Variants in PNLIPRP3 observed in about 807,000 individuals in gnomAD.
The protein encoded by PNLIPRP3 is pancreatic lipase-related protein 3.
In PNLIPRP3, 58 loss-of-function variants were observed where a neutral mutation model predicts 52.8. That is an observed-to-expected ratio of 1.10 (90% confidence interval 0.89 to 1.37). The LOEUF is 1.37. PNLIPRP3 is among the 40% of genes most tolerant of loss of function. The pLI, the probability that PNLIPRP3 is intolerant of heterozygous loss-of-function variation, is 0.00. For missense variants in PNLIPRP3, 593 were observed against 561.6 expected (o/e 1.06, Z -0.57); for synonymous variants, 192 against 185.0 (o/e 1.04, Z -0.31).
chr10:116,432,690 T>C (rs80057036), intron 1 of PNLIPRP3, among the ~76,000 whole-genome samples: 11,577 of 152,246 alleles, frequency 0.076, 629 homozygotes, highest in East Asian at 0.17. Context: ...CATAAATTTA[T>C]GGTAAAAGAA....
intron 5 of PNLIPRP3, among the ~76,000 whole-genome samples, chr10:116,457,806 T>A (rs1846136804): frequency 6.6e-6 from 1 of 152,194 alleles, no homozygotes; most frequent in South Asian, 2.1e-4. Flanking sequence ...TTTTATTAAG[T>A]TTTTTCAAAA....
At chr10:116,434,070 T>C (rs1845745275) in intron 1 of PNLIPRP3, among the ~76,000 whole-genome samples, 1 of 152,198 alleles carries the variant, frequency 6.6e-6, no homozygotes, top group South Asian at 2.1e-4. Flanking sequence ...GTATGACACA[T>C]AAGGCTAAAT....
rs1358894457 is a variant in PNLIPRP3, at chr10:116,443,148, G to A, written c.298G>A (p.Gly100Ser). 1 of 1,610,578 alleles carries A rather than the reference G, an allele frequency of 6.2e-7. No individual in the cohort carries two copies. Among genetic ancestry groups the A allele is most frequent in the South Asian group, 1.1e-5 (1 of 90,544 alleles). ...CAACATAGCTGGATGGAAAACAGAT[G>A]GCAAATGGCAGAGAGACATGTGCAA... ...RINIAGWKTD[G>S]KWQRDMCNVL... Residue 100 changes from glycine to serine, a missense_variant, in exon 3 of 12, where the codon GGC becomes AGC. Gly to Ser is a moderately conservative substitution (Grantham distance 56). Transcript: ENST00000369230.
chr10:116,467,985 C>T (rs1007992977), intron 8 of PNLIPRP3, among the ~76,000 whole-genome samples: 3 of 151,552 alleles, frequency 2.0e-5, no homozygotes, highest in Non-Finnish European at 2.9e-5. Context: ...ATTAGCCGGG[C>T]GTGGTGGCGG....
At chr10:116,444,283 ACC>A in intron 3 of PNLIPRP3, 97 bp from the exon 4 acceptor site, 1 of 1,050,206 alleles carries the variant, frequency 9.5e-7, no homozygotes, top group Non-Finnish European at 1.3e-6. Flanking sequence ...AACCATATCA[ACC>A]TACTAGTATA....
At chr10:116,449,830 G>C (rs1277591108) in intron 4 of PNLIPRP3, among the ~76,000 whole-genome samples, 1 of 152,168 alleles carries the variant, frequency 6.6e-6, no homozygotes, top group Non-Finnish European at 1.5e-5. Flanking sequence ...CCTTCGCCAG[G>C]ATAGATCACA....
Position 116,427,975 on chromosome 10 carries a change from T to C in PNLIPRP3, c.-38T>C. The C allele has an allele frequency of 6.5e-7, 1 of 1,536,186 alleles. No homozygotes were observed. Among genetic ancestry groups the C allele is most frequent in the African/African-American group, 1.4e-5 (1 of 73,234 alleles). Reference sequence around the variant, plus strand: ...GAGGTGACTTTACAAGTAAAGATCTTCAAGAAGATTTTTATGTGATTTAAA... The same window carrying C: ...GAGGTGACTTTACAAGTAAAGATCTCCAAGAAGATTTTTATGTGATTTAAA... On this transcript the variant is annotated 5_prime_UTR_variant, in exon 1 of 12. Coordinates refer to ENST00000369230, the MANE Select transcript of PNLIPRP3 (RefSeq NM_001011709.3).
At chr10:116,445,558 T>TAAAAAAA (rs3032169) in intron 4 of PNLIPRP3, among the ~76,000 whole-genome samples, 1 of 148,846 alleles carries the variant, frequency 6.7e-6, no homozygotes, top group Non-Finnish European at 1.5e-5. Context: ...CTTCTCTTTA[T>TAAAAAAA]AAAAAAAAAA....
intron 4 of PNLIPRP3, among the ~76,000 whole-genome samples, chr10:116,450,235 G>A (rs528358815): frequency 3.3e-5 from 5 of 152,084 alleles, no homozygotes; most frequent in Non-Finnish European, 5.9e-5. Flanking sequence ...CTTTGAATGT[G>A]GCCCCACACA....
chr10:116,465,654 T>C (rs954056923), intron 7 of PNLIPRP3, among the ~76,000 whole-genome samples: 1 of 152,234 alleles, frequency 6.6e-6, no homozygotes, highest in South Asian at 2.1e-4. Flanking sequence ...TCAGGGACTT[T>C]ACCTGGAACT....
At chr10:116,445,391 C>G in intron 4 of PNLIPRP3, among the ~76,000 whole-genome samples, 1 of 152,106 alleles carries the variant, frequency 6.6e-6, no homozygotes, top group East Asian at 1.9e-4. Flanking sequence ...GAACATTGAC[C>G]ACTGTCAGTA....
chr10:116,468,948 C>T (rs756104907), intron 8 of PNLIPRP3, among the ~76,000 whole-genome samples: 3 of 152,106 alleles, frequency 2.0e-5, no homozygotes, highest in Non-Finnish European at 2.9e-5. Flanking sequence ...TTTCCTCTTC[C>T]GTGGATTGTC....
intron 1 of PNLIPRP3, among the ~76,000 whole-genome samples, chr10:116,432,811 T>C (rs993817166): frequency 6.6e-6 from 1 of 152,068 alleles, no homozygotes; most frequent in Non-Finnish European, 1.5e-5. Flanking sequence ...GAAAAGTGTG[T>C]AATTGTTAAT....
chr10:116,477,086 T>G lies in PNLIPRP3; in HGVS notation c.1341-4T>G, dbSNP rs1362703907. On this transcript the variant is annotated splice_polypyrimidine_tract_variant and splice_region_variant and intron_variant, in intron 11 of 11. Transcript: ENST00000369230. ...TCCTTTTTTTTTTCCTTAAAAACTT[T>G]CAGATCTACCTTCTGTAGCCAAGAC... The G allele has an allele frequency of 3.2e-6, 5 of 1,580,444 alleles. No homozygotes were observed. The African/African-American group carries it at 4.1e-5, about 13-fold the overall frequency.
rs1564692776 is a variant in PNLIPRP3, at chr10:116,436,856, T to C, written c.195T>C (p.Asn65=). 1.9e-6 allele frequency: 3 copies of C among 1,591,154 alleles called. No individual in the cohort carries two copies. Among genetic ancestry groups the C allele is most frequent in the Non-Finnish European group, 2.6e-6 (3 of 1,166,482 alleles). The part of the protein sequence containing the change: ...RFLLYTIHNP[N]AYQEISAVNS... ...TGCTCTACACTATACACAATCCCAA[T>C]GCCTATCAGGTAAGCTAACTTGCAG... The change falls in exon 2 of 12, where the codon AAT becomes AAC. Residue 65 remains asparagine, a synonymous_variant. Coordinates refer to ENST00000369230, the MANE Select transcript of PNLIPRP3 (RefSeq NM_001011709.3).
At chr10:116,439,417 C>G in intron 2 of PNLIPRP3, 2 of 584,684 alleles carry the variant, frequency 3.4e-6, no homozygotes, top group South Asian at 3.7e-5. Flanking sequence ...CAGAGCTCCC[C>G]TACTCTAAGT....
At chr10:116,445,427 T>C (rs538654190) in intron 4 of PNLIPRP3, among the ~76,000 whole-genome samples, 5 of 152,164 alleles carry the variant, frequency 3.3e-5, no homozygotes, top group Non-Finnish European at 5.9e-5. Context: ...GAATTAGGGA[T>C]CCAAAGACTC....
At chr10:116,439,395 A>C in intron 2 of PNLIPRP3, 3 of 539,374 alleles carry the variant, frequency 5.6e-6, no homozygotes, top group Non-Finnish European at 6.7e-6. Context: ...CAGATAAGAA[A>C]TGTGTCAATT....
intron 4 of PNLIPRP3, 80 bp downstream of exon 4, chr10:116,444,593 C>G: frequency 7.2e-7 from 1 of 1,381,548 alleles, no homozygotes; most frequent in Non-Finnish European, 1.0e-6. Context: ...AATTTAATGT[C>G]TTTTTTTATT....
Sources: allele counts gnomAD v4.1 joint callset (sites outside exome capture counted in the v4.1 genomes callset), GRCh38; gene constraint gnomAD v4.1.1; transcripts MANE v1.5; gene names NCBI Gene and HGNC (gene_info 2026-07-23, HGNC 2026-07-21).